The following PRMT8 variants were observed in gnomAD, a reference collection of about 807,000 sequenced individuals.
PRMT8 encodes the protein protein arginine N-methyltransferase 8.
A neutral mutation model predicts 47.1 loss-of-function variants in PRMT8; 7 were observed. That is an observed-to-expected ratio of 0.15 (90% CI 0.08 to 0.28). The LOEUF (loss-of-function observed/expected upper bound fraction) is 0.28. Among genes scored for constraint, PRMT8 ranks in the 10% least tolerant of loss-of-function variants. The probability of loss-of-function intolerance (pLI) is 1.00; values close to 1 mark genes in which losing one functional copy is unlikely to be tolerated. For synonymous variants in PRMT8, 188 were observed against 186.5 expected (o/e 1.01, Z -0.07); for missense variants, 237 against 505.4 (o/e 0.47, Z 5.09).
chr12:3,551,649 G>C (rs543848395), intron 3 of PRMT8: 2 of 152,376 alleles, frequency 1.3e-5, no homozygotes, highest in East Asian at 3.9e-4. Context: ...TCTGCCTCCC[G>C]CCCTTTTCTC....
At chr12:3,558,524 T>C (rs1247896747) in intron 4 of PRMT8, among the ~76,000 whole-genome samples, 1 of 152,190 alleles carries the variant, frequency 6.6e-6, no homozygotes, top group Non-Finnish European at 1.5e-5. Context: ...GTAACATCAT[T>C]TGTAGCAAAA....
intron 1 of PRMT8, among the ~76,000 whole-genome samples, chr12:3,540,073 CTT>C (rs1866193314): frequency 1.3e-5 from 2 of 152,144 alleles, no homozygotes; most frequent in Non-Finnish European, 2.9e-5. Flanking sequence ...GAAATACAAA[CTT>C]GTCTAATCCT....
At chr12:3,491,833 TGTGTGTGTGTGTGTGTGTG>T (rs1292295469) in intron 1 of PRMT8, 133 bp downstream of exon 1, 14 of 43,784 alleles carry the variant, frequency 3.2e-4, no homozygotes, top group African/African-American at 7.5e-4. Flanking sequence ...GGCCTCCTCC[TGTGTGTGTGTGTGTGTGTG>T]TGTGTGTGTG....
At chr12:3,411,593 C>T (rs1864430592) in intron 1 of PRMT8, among the ~76,000 whole-genome samples, 1 of 152,146 alleles carries the variant, frequency 6.6e-6, no homozygotes, top group South Asian at 2.1e-4. Flanking sequence ...AATGTGTCCC[C>T]CACATTTCAT....
chr12:3,561,233 C>A (rs150424965), intron 4 of PRMT8, among the ~76,000 whole-genome samples: 1,714 of 152,286 alleles, frequency 0.011, 20 homozygotes, highest in Non-Finnish European at 0.014. Context: ...CACAGCCAGT[C>A]AATGGGAGGG....
At chr12:3,551,005 G>A (rs1591597712) in intron 3 of PRMT8, 1 of 152,168 alleles carries the variant, frequency 6.6e-6, no homozygotes, top group African/African-American at 2.4e-5. Context: ...AGGCCTCAGC[G>A]ACCTGAGCAG....
chr12:3,587,513 G>A (rs1867206264), intron 8 of PRMT8, among the ~76,000 whole-genome samples: 1 of 151,860 alleles, frequency 6.6e-6, no homozygotes, highest in Non-Finnish European at 1.5e-5. Context: ...TTATTGATTC[G>A]AGCTATGCCC....
intron 1 of PRMT8, among the ~76,000 whole-genome samples, chr12:3,404,558 A>G (rs1254112031): frequency 6.6e-6 from 1 of 152,204 alleles, no homozygotes; most frequent in Non-Finnish European, 1.5e-5. Flanking sequence ...CTTTTCCCGT[A>G]CAAAAGTAGC....
chr12:3,586,829 C>T (rs1202324994), intron 8 of PRMT8, among the ~76,000 whole-genome samples: 1 of 152,234 alleles, frequency 6.6e-6, no homozygotes, highest in Non-Finnish European at 1.5e-5. Flanking sequence ...ACCCTCAGGC[C>T]TCACCAAGAC....
rs1867112230 is a variant in PRMT8 at position 3,583,532 on chromosome 12, GT to G, written c.979+325del. ...GTAGCATTTTCTGAGCACATTCTGT[GT>G]GGTGGGTATGGATGGAGTTGAATAA... On this transcript the variant is annotated intron_variant, in intron 8 of 9. Transcript: ENST00000382622. This position sits in a 1 kb window ranked among gnomAD's most constrained non-coding sequence, Gnocchi z 4.7. 6.6e-6 allele frequency among the ~76,000 whole-genome samples: 1 copy of G among 152,230 alleles called. No homozygotes were observed. Among genetic ancestry groups the G allele is most frequent in the South Asian group, 2.1e-4 (1 of 4,830 alleles).
At chr12:3,544,974 T>C (rs983246197) in intron 2 of PRMT8, among the ~76,000 whole-genome samples, 3 of 152,272 alleles carry the variant, frequency 2.0e-5, no homozygotes, top group African/African-American at 4.8e-5. Context: ...GTGGTTATGA[T>C]TGAAACATTT....
At chr12:3,433,930 A>T (rs1315017247) in intron 1 of PRMT8, among the ~76,000 whole-genome samples, 4 of 152,204 alleles carry the variant, frequency 2.6e-5, no homozygotes, top group African/African-American at 9.6e-5. Flanking sequence ...AAAAGATTTC[A>T]TGTTGCATGA....
intron 1 of PRMT8, among the ~76,000 whole-genome samples, chr12:3,517,873 G>A (rs1426114483): frequency 6.6e-6 from 1 of 152,132 alleles, no homozygotes; most frequent in Non-Finnish European, 1.5e-5. Flanking sequence ...GGCCTAAAGA[G>A]CCTATTTGTC....
intron 1 of PRMT8, among the ~76,000 whole-genome samples, chr12:3,403,618 G>A (rs949534361): frequency 3.0e-4 from 45 of 151,904 alleles, no homozygotes; most frequent in African/African-American, 1.0e-3. Flanking sequence ...GGTGGCTCAC[G>A]ACTGTAATCC....
chr12:3,462,449 T>TAA (rs1865052263), intron 1 of PRMT8, among the ~76,000 whole-genome samples: 1 of 152,064 alleles, frequency 6.6e-6, no homozygotes, highest in Admixed American at 6.5e-5. Context: ...AATGACTTGC[T>TAA]ACTCATTGTT....
chr12:3,458,484 G>T (rs781559205), intron 1 of PRMT8, among the ~76,000 whole-genome samples: 2 of 152,174 alleles, frequency 1.3e-5, no homozygotes, highest in Non-Finnish European at 2.9e-5. Context: ...CCAGGGCCAC[G>T]CACCACAGGT....
At chr12:3,528,920 C>T (rs542004356) in intron 1 of PRMT8, among the ~76,000 whole-genome samples, 1 of 152,170 alleles carries the variant, frequency 6.6e-6, no homozygotes, top group East Asian at 1.9e-4. Context: ...TCTGAGTATT[C>T]ATGAATTATG....
intron 1 of PRMT8, among the ~76,000 whole-genome samples, chr12:3,482,373 T>TTTCC (rs1180431700): frequency 6.6e-6 from 1 of 152,230 alleles, no homozygotes; most frequent in Non-Finnish European, 1.5e-5. Context: ...GTGCTAGATC[T>TTTCC]TTCCTTCCTT....
rs1024754823 is a variant in PRMT8, at chr12:3,570,814, G to A, written c.712+1250G>A. On this transcript the variant is annotated intron_variant, in intron 6 of 9. Coordinates refer to ENST00000382622, the MANE Select transcript of PRMT8 (RefSeq NM_019854.5). The surrounding 1 kb of genome is among the most constrained non-coding windows in gnomAD (Gnocchi z 5.5). ...TTTGAAGCTCTGTGCCCTGGAAACC[G>A]TCTCTGGTTGCTGTCTGCCTCCAGC... is the stretch of plus-strand genomic sequence containing the variant. Among the ~76,000 whole-genome samples, 1 of 152,142 alleles carries A rather than the reference G, an allele frequency of 6.6e-6. No homozygotes were observed. The highest frequency in any genetic ancestry group is 1.9e-4 in the East Asian group (1 of 5,186).
Sources: allele counts gnomAD v4.1 joint callset (sites outside exome capture counted in the v4.1 genomes callset), GRCh38; gene constraint gnomAD v4.1.1; non-coding constraint Gnocchi (gnomAD v3.1); transcripts MANE v1.5; gene names NCBI Gene and HGNC (gene_info 2026-07-23, HGNC 2026-07-21).